CPNE4: variants seen among roughly 807,000 people sequenced by gnomAD.
The protein encoded by CPNE4 is copine-4.
A neutral mutation model predicts 67.9 loss-of-function variants in CPNE4; 25 were observed. That is an observed-to-expected ratio of 0.37 (90% CI 0.27 to 0.51). The LOEUF is 0.51. CPNE4 is among the 20% of genes least tolerant of loss of function. The pLI, the probability that CPNE4 is intolerant of heterozygous loss-of-function variation, is 0.93. For synonymous variants in CPNE4, 242 were observed against 244.9 expected, an observed-to-expected ratio of 0.99 and a Z score of 0.11; for missense variants, 464 against 690.8, an observed-to-expected ratio of 0.67 and a Z score of 3.68.
chr3:131,558,962 T>G (rs1936612830), intron 11 of CPNE4, among the ~76,000 whole-genome samples: 1 of 152,050 alleles, frequency 6.6e-6, no homozygotes, highest in Non-Finnish European at 1.5e-5. Flanking sequence ...CTGTTCTCCA[T>G]TCATACCTTC....
intron 2 of CPNE4, among the ~76,000 whole-genome samples, chr3:131,785,648 A>ACTCTCTCT (rs1300100117): frequency 6.8e-5 from 9 of 132,194 alleles, no homozygotes; most frequent in African/African-American, 2.7e-4. Flanking sequence ...ATCTGCCAGC[A>ACTCTCTCT]CTCTCTCTCT....
intron 1 of CPNE4, among the ~76,000 whole-genome samples, chr3:131,906,303 G>A (rs1176810203): frequency 6.6e-6 from 1 of 151,494 alleles, no homozygotes; most frequent in Admixed American, 6.6e-5. Context: ...GGCACAATGT[G>A]CAGGTTAGTT....
At chr3:131,953,249 A>AAAAT (rs2071830621) in intron 1 of CPNE4, among the ~76,000 whole-genome samples, 7 of 141,058 alleles carry the variant, frequency 5.0e-5, no homozygotes, top group African/African-American at 1.0e-4. Context: ...TAAAAAAAAA[A>AAAAT]AAAAAAAAAA....
At chr3:131,584,691 A>G (rs1256173931) in intron 8 of CPNE4, among the ~76,000 whole-genome samples, 1 of 152,232 alleles carries the variant, frequency 6.6e-6, no homozygotes. Flanking sequence ...AGCACTGTCC[A>G]GTAGAATTTT....
chr3:131,706,532 C>G (rs2081417433), intron 3 of CPNE4, among the ~76,000 whole-genome samples: 2 of 152,190 alleles, frequency 1.3e-5, no homozygotes, highest in Admixed American at 6.5e-5. Flanking sequence ...GATTCCTCCT[C>G]TTGGCCAAGG....
At chr3:131,940,582 C>T (rs1459722686) in intron 1 of CPNE4, among the ~76,000 whole-genome samples, 5 of 151,960 alleles carry the variant, frequency 3.3e-5, no homozygotes, top group African/African-American at 1.2e-4. Context: ...AAAAATTAGT[C>T]GGGTGTATAT....
chr3:131,638,052 A>G (rs1344681548), intron 7 of CPNE4, among the ~76,000 whole-genome samples: 3 of 152,200 alleles, frequency 2.0e-5, no homozygotes, highest in Non-Finnish European at 4.4e-5. Flanking sequence ...TCTTGAAACA[A>G]ATCTTTGAAA....
intron 2 of CPNE4, among the ~76,000 whole-genome samples, chr3:131,824,830 G>A (rs1364482660): frequency 1.3e-5 from 2 of 152,074 alleles, no homozygotes; most frequent in Non-Finnish European, 2.9e-5. Flanking sequence ...GAGGCTTGGA[G>A]TGGACAGCAA....
At chr3:131,957,185 C>G (rs1413341951) in intron 1 of CPNE4, among the ~76,000 whole-genome samples, 2 of 152,170 alleles carry the variant, frequency 1.3e-5, no homozygotes, top group African/African-American at 4.8e-5. Context: ...ACTGGAGACC[C>G]ACTCTTGTCA....
chr3:131,881,331 T>G (rs6772773), intron 2 of CPNE4, among the ~76,000 whole-genome samples: 8,118 of 152,304 alleles, frequency 0.053, 388 homozygotes, highest in African/African-American at 0.13. Context: ...AGAATTGTCC[T>G]GGCCTCTCAA....
At chr3:131,934,469 T>C (rs1049920579) in intron 1 of CPNE4, among the ~76,000 whole-genome samples, 1 of 152,184 alleles carries the variant, frequency 6.6e-6, no homozygotes, top group Non-Finnish European at 1.5e-5. Context: ...AACATGCAGG[T>C]TTGTTACATA....
intron 1 of CPNE4, among the ~76,000 whole-genome samples, chr3:131,945,314 G>A (rs755032349): frequency 9.2e-5 from 14 of 152,102 alleles, no homozygotes; most frequent in Non-Finnish European, 1.9e-4. Flanking sequence ...AATGACCATG[G>A]GCATATGCTG....
At chr3:131,727,702 G>T (rs2082033499) in intron 2 of CPNE4, among the ~76,000 whole-genome samples, 1 of 152,086 alleles carries the variant, frequency 6.6e-6, no homozygotes, top group South Asian at 2.1e-4. Context: ...AAGAGAGTGA[G>T]CATATCCATG....
At position 131,905,413 on chromosome 3, in the gene CPNE4, C is replaced by T. The variant is rs201950887; in HGVS notation, c.31G>A (p.Ala11Thr). The T allele has an allele frequency of 2.1e-5, 34 of 1,613,098 alleles. No individual in the cohort carries two copies. Among genetic ancestry groups the T allele is most frequent in the Admixed American group, 1.3e-4 (8 of 59,846 alleles). ...TTAAAGATTCCCAGTGTGTTGGCAG[C>T]GGACTCATAAATGTTGCTCATCTTC... MKKMSNIYES[A>T]ANTLGIFNSP... Residue 11 changes from alanine (A) to threonine (T), a missense_variant, in exon 2 of 16, where the codon GCT (alanine) becomes ACT (threonine). By Grantham distance (58) the Ala-to-Thr change is moderately conservative. Around this residue, in one of 6 missense-constraint regions of CPNE4, gnomAD observed 170 missense variants for 203.3 expected, o/e 0.84. Transcript: ENST00000429747.
At chr3:131,980,382 G>T (rs1013876047) in intron 1 of CPNE4, among the ~76,000 whole-genome samples, 2 of 152,036 alleles carry the variant, frequency 1.3e-5, no homozygotes, top group African/African-American at 4.8e-5. Flanking sequence ...TGGAGGTTTT[G>T]TTCATATTTT....
intron 2 of CPNE4, among the ~76,000 whole-genome samples, chr3:131,866,457 C>A (rs939855822): frequency 2.0e-5 from 3 of 152,166 alleles, no homozygotes; most frequent in African/African-American, 7.2e-5. Flanking sequence ...GAAGAAAAGG[C>A]TGACATCTAT....
intron 10 of CPNE4, among the ~76,000 whole-genome samples, chr3:131,565,156 ACTT>A (rs1422529334): frequency 2.0e-5 from 3 of 152,008 alleles, no homozygotes. Flanking sequence ...GAGAAGAAAC[ACTT>A]CTTCTAATTT....
At chr3:132,015,513 A>AGT (rs2073870683) in intron 1 of CPNE4, among the ~76,000 whole-genome samples, 1 of 78,684 alleles carries the variant, frequency 1.3e-5, no homozygotes. Flanking sequence ...AGACATACAC[A>AGT]CTCACACACA....
chr3:131,689,513 A>G (rs1364579753), intron 5 of CPNE4, among the ~76,000 whole-genome samples: 1 of 152,174 alleles, frequency 6.6e-6, no homozygotes, highest in Non-Finnish European at 1.5e-5. Flanking sequence ...CCTTCATGAT[A>G]AAAACCCTCA....
Sources: allele counts gnomAD v4.1 joint callset (sites outside exome capture counted in the v4.1 genomes callset), GRCh38; gene constraint gnomAD v4.1.1; regional missense constraint gnomAD v4.1.1; transcripts MANE v1.5; gene names NCBI Gene and HGNC (gene_info 2026-07-23, HGNC 2026-07-21).